Variants in BIK observed in about 807,000 individuals in gnomAD.
The protein encoded by BIK is bcl-2-interacting killer.
A neutral mutation model predicts 12.1 loss-of-function variants in BIK; 14 were observed. That is an observed-to-expected ratio of 1.16 (90% CI 0.77 to 1.81). The LOEUF is 1.81. BIK is among the 40% of genes most tolerant of loss of function. The pLI, the probability that BIK is intolerant of heterozygous loss-of-function variation, is 0.00. For synonymous variants in BIK, 86 were observed against 92.3 expected (o/e 0.93, Z 0.39); for missense variants, 215 against 207.9 (o/e 1.03, Z -0.21).
intron 1 of BIK, among the ~76,000 whole-genome samples, chr22:43,116,778 A>G (rs1358308887): frequency 6.6e-6 from 1 of 152,144 alleles, no homozygotes; most frequent in Non-Finnish European, 1.5e-5. Flanking sequence ...CGTCTTTACT[A>G]AAAATACAAA....
At chr22:43,125,396 C>G (rs4988425) in intron 2 of BIK, among the ~76,000 whole-genome samples, 48 of 152,092 alleles carry the variant, frequency 3.2e-4, no homozygotes, top group African/African-American at 1.1e-3. Flanking sequence ...CTGCCTCTGA[C>G]GGCTCTCATT....
chr22:43,128,387 A>AGG, intron 3 of BIK, 109 bp from the exon 4 acceptor site: 8 of 1,385,478 alleles, frequency 5.8e-6, no homozygotes, highest in Non-Finnish European at 8.0e-6. Flanking sequence ...GTGGGGTGGG[A>AGG]GGGCACAGGC....
intron 2 of BIK, among the ~76,000 whole-genome samples, chr22:43,124,730 A>G (rs1179568875): frequency 1.3e-5 from 2 of 152,098 alleles, no homozygotes; most frequent in Non-Finnish European, 2.9e-5. Context: ...TGTCTCTACT[A>G]AAAATACAAA....
At chr22:43,122,615 C>T (rs1000662017) in intron 1 of BIK, among the ~76,000 whole-genome samples, 20 of 152,120 alleles carry the variant, frequency 1.3e-4, no homozygotes, top group South Asian at 4.1e-4. Context: ...TGAATCAGGT[C>T]GCAGAACCCT....
chr22:43,127,668 C>A, intron 2 of BIK, 29 bp from the exon 3 acceptor site: 1 of 1,536,284 alleles, frequency 6.5e-7, no homozygotes, highest in Non-Finnish European at 8.8e-7. Context: ...GGCACAGCCA[C>A]ACCCGACTCC....
intron 1 of BIK, among the ~76,000 whole-genome samples, chr22:43,113,974 A>T (rs978651752): frequency 1.5e-4 from 23 of 152,248 alleles, no homozygotes; most frequent in African/African-American, 5.5e-4. Flanking sequence ...TTGTCCTGCC[A>T]CTGGTTGGTT....
intron 2 of BIK, among the ~76,000 whole-genome samples, chr22:43,126,029 CTTTTTT>C (rs536702353): frequency 7.1e-6 from 1 of 140,650 alleles, no homozygotes; most frequent in Non-Finnish European, 1.5e-5. Flanking sequence ...AGGACCTGCA[CTTTTTT>C]TTTTTTTTTT....
At chr22:43,119,213 C>A (rs531411204) in intron 1 of BIK, among the ~76,000 whole-genome samples, 76 of 151,912 alleles carry the variant, frequency 5.0e-4, no homozygotes, top group Non-Finnish European at 9.3e-4. Context: ...TAAGTGCGGG[C>A]TGTAGCCTGG....
intron 1 of BIK, among the ~76,000 whole-genome samples, chr22:43,112,719 C>T (rs1386854805): frequency 2.0e-5 from 3 of 151,148 alleles, no homozygotes; most frequent in Admixed American, 6.6e-5. Flanking sequence ...GACTGGGTAA[C>T]ATGGTAAAAC....
chr22:43,112,497 C>G (rs966074848), intron 1 of BIK, among the ~76,000 whole-genome samples: 9 of 152,044 alleles, frequency 5.9e-5, no homozygotes, highest in Non-Finnish European at 1.2e-4. Flanking sequence ...CCCCGCCCGG[C>G]TTGAGTGTTT....
In BIK at chr22:43,128,645, T is replaced by C; in HGVS notation, c.390+20T>C. ...TCCTGGGTAAGAGCCTTGAGATCCCTGACCCTGACTTGCGCTGCGGCCAGT... is the reference window on the plus strand; with the variant it reads ...TCCTGGGTAAGAGCCTTGAGATCCCCGACCCTGACTTGCGCTGCGGCCAGT... On this transcript the variant is annotated intron_variant, in intron 4 of 4. Coordinates refer to ENST00000216115, the MANE Select transcript of BIK (RefSeq NM_001197.5). 6.3e-7 allele frequency: 1 copy of C among 1,593,118 alleles called. No homozygotes were observed. Among genetic ancestry groups the C allele is most frequent in the East Asian group, 2.2e-5 (1 of 44,586 alleles).
At chr22:43,123,724 C>T (rs1441092324) in intron 1 of BIK, among the ~76,000 whole-genome samples, 1 of 152,170 alleles carries the variant, frequency 6.6e-6, no homozygotes, top group Admixed American at 6.6e-5. Context: ...GCCCTCCAGC[C>T]TCCAGCAAGA....
intron 3 of BIK, 86 bp downstream of exon 3, chr22:43,127,881 C>G (rs1930350864): frequency 7.6e-7 from 1 of 1,307,706 alleles, no homozygotes; most frequent in African/African-American, 1.5e-5. Context: ...CAGGGCTGGG[C>G]CCTGAGGAAG....
chr22:43,117,805 G>A (rs571179142), intron 1 of BIK, among the ~76,000 whole-genome samples: 6 of 151,818 alleles, frequency 4.0e-5, no homozygotes, highest in Non-Finnish European at 8.8e-5. Flanking sequence ...CGAGTAGCTG[G>A]ATTACAGGCG....
At chr22:43,125,422 C>T (rs910163731) in intron 2 of BIK, among the ~76,000 whole-genome samples, 6 of 151,912 alleles carry the variant, frequency 3.9e-5, no homozygotes, top group African/African-American at 7.3e-5. Context: ...AAACCAGAAC[C>T]GGGCCGGGCG....
rs1476124758 is a variant in BIK at position 43,124,066 on chromosome 22, C to A, written c.44C>A (p.Thr15Asn). 4.3e-6 allele frequency: 7 copies of A among 1,614,178 alleles called. No individual in the cohort carries two copies. Among genetic ancestry groups the A allele is most frequent in the Non-Finnish European group, 5.9e-6 (7 of 1,180,024 alleles). Reference sequence around the variant, plus strand: ...CTCTCCAGAGACATCTTGATGGAGACCCTCCTGTATGAGCAGCTCCTGGAA... The same window carrying A: ...CTCTCCAGAGACATCTTGATGGAGAACCTCCTGTATGAGCAGCTCCTGGAA... ...RPLSRDILME[T>N]LLYEQLLEPP... Residue 15 changes from threonine (T) to asparagine (N), a missense_variant, in exon 2 of 5, where the codon ACC becomes AAC. Thr to Asn is a moderately conservative substitution (Grantham distance 65, BLOSUM62 0). Coordinates refer to ENST00000216115, the MANE Select transcript of BIK (RefSeq NM_001197.5).
At chr22:43,127,658 G>A (rs1172111196) in intron 2 of BIK, 39 bp from the exon 3 acceptor site, 18 of 1,525,312 alleles carry the variant, frequency 1.2e-5, no homozygotes, top group East Asian at 2.5e-5. Context: ...TGGCCTCCAC[G>A]GCACAGCCAC....
Position 43,129,400 on chromosome 22 carries a change from A to C in BIK, c.*95A>C. 1.7e-5 allele frequency: 25 copies of C among 1,462,260 alleles called. No homozygotes were observed. The highest frequency in any genetic ancestry group is 1.9e-5 in the Non-Finnish European group (21 of 1,110,184). 90.6% of individuals were successfully genotyped at this position (1,462,260 alleles called of 1,614,324 possible). ...CTGTTATCTTTTTAACTGTTTTCTC[A>C]TGATGCCTTTTTATATTTAAACCCC... On this transcript the variant is annotated 3_prime_UTR_variant, in exon 5 of 5. Coordinates refer to ENST00000216115, the MANE Select transcript of BIK (RefSeq NM_001197.5).
chr22:43,125,674 A>G (rs1041584871), intron 2 of BIK, among the ~76,000 whole-genome samples: 3 of 151,988 alleles, frequency 2.0e-5, no homozygotes, highest in Admixed American at 1.3e-4. Flanking sequence ...GAGCCCTGAG[A>G]TTGCACCACT....
Sources: allele counts gnomAD v4.1 joint callset (sites outside exome capture counted in the v4.1 genomes callset), GRCh38; gene constraint gnomAD v4.1.1; transcripts MANE v1.5; gene names NCBI Gene and HGNC (gene_info 2026-07-23, HGNC 2026-07-21).